The following C12orf54 variants were observed in gnomAD, a reference collection of about 807,000 sequenced individuals.
C12orf54 encodes the protein chromosome 12 open reading frame 54, also known as uncharacterized protein C12orf54.
C12orf54 carries 24 observed loss-of-function variants against 26.4 expected under a neutral mutation model. The ratio of observed to expected loss-of-function variants is 0.91; its 90% confidence interval spans 0.66 to 1.28. C12orf54 has a LOEUF of 1.28. C12orf54 is among the 50% of genes most tolerant of loss of function. C12orf54 has a pLI of 0.00. For missense variants in C12orf54, 154 were observed against 150.9 expected (o/e 1.02, Z -0.11); for synonymous variants, 54 against 47.0 (o/e 1.15, Z -0.61).
At chr12:48,440,196 G>A in the C12orf54 span, among the ~76,000 whole-genome samples, 3 of 151,922 alleles carry the variant, frequency 2.0e-5, no homozygotes, top group African/African-American at 2.4e-5. Context: ...CTGCACTCCA[G>A]CCTGGGTGAC....
At chr12:48,453,923 G>C in the C12orf54 span, among the ~76,000 whole-genome samples, 1 of 151,914 alleles carries the variant, frequency 6.6e-6, no homozygotes, top group Non-Finnish European at 1.5e-5. Context: ...ACTGAAAAAA[G>C]AAGTGCCTTC....
At chr12:48,486,100 T>C in intron 2 of C12orf54, 78 bp from the exon 3 acceptor site, 1 of 1,362,372 alleles carries the variant, frequency 7.3e-7, no homozygotes, top group South Asian at 1.2e-5. Flanking sequence ...CTGCTAGGAG[T>C]GATAGAATAG....
chr12:48,416,002 T>C, the C12orf54 span, among the ~76,000 whole-genome samples: 1 of 152,228 alleles, frequency 6.6e-6, no homozygotes, highest in Non-Finnish European at 1.5e-5. Context: ...AGACTTACCT[T>C]GAGCCCTCTC....
At chr12:48,449,928 A>G in the C12orf54 span, among the ~76,000 whole-genome samples, 11 of 152,042 alleles carry the variant, frequency 7.2e-5, no homozygotes, top group Non-Finnish European at 1.6e-4. Context: ...GTCTCATGAG[A>G]TGTGATGGGT....
the C12orf54 span, among the ~76,000 whole-genome samples, chr12:48,452,761 A>G: frequency 1.3e-5 from 2 of 152,378 alleles, no homozygotes; most frequent in Admixed American, 6.5e-5. Context: ...AAACTTCAAC[A>G]TCACTGATCA....
chr12:48,415,255 C>G, the C12orf54 span, among the ~76,000 whole-genome samples: 1 of 152,190 alleles, frequency 6.6e-6, no homozygotes, highest in Non-Finnish European at 1.5e-5. Flanking sequence ...AAATAGCTCC[C>G]TTGACTTCAC....
chr12:48,468,548 G>C, the C12orf54 span, among the ~76,000 whole-genome samples: 28 of 152,156 alleles, frequency 1.8e-4, no homozygotes, highest in Middle Eastern at 3.4e-3. Flanking sequence ...CAGATGGATC[G>C]AAAGTACAAG....
At chr12:48,416,582 C>T in the C12orf54 span, among the ~76,000 whole-genome samples, 56 of 152,302 alleles carry the variant, frequency 3.7e-4, no homozygotes, top group African/African-American at 1.3e-3. Context: ...TAAGATGTGG[C>T]TGGGCACAGT....
At chr12:48,418,469 G>T in the C12orf54 span, among the ~76,000 whole-genome samples, 24 of 152,268 alleles carry the variant, frequency 1.6e-4, no homozygotes, top group Admixed American at 4.6e-4. Flanking sequence ...CTTTATGTCA[G>T]ACATGTGAGG....
the C12orf54 span, among the ~76,000 whole-genome samples, chr12:48,430,469 T>A: frequency 3.3e-5 from 5 of 151,136 alleles, no homozygotes; most frequent in African/African-American, 4.9e-5. Flanking sequence ...AAACAAACAA[T>A]CCCATCAGAA....
chr12:48,414,670 C>G, the C12orf54 span, among the ~76,000 whole-genome samples: 5 of 152,288 alleles, frequency 3.3e-5, no homozygotes, highest in Middle Eastern at 3.4e-3. Context: ...AGAGAGTAAT[C>G]TGGGCCCTAA....
chr12:48,489,032 T>A lies in C12orf54; in HGVS notation c.168+76T>A, dbSNP rs144943203. The A allele has an allele frequency of 2.0e-4, 279 of 1,388,362 alleles. 2 individuals carry two copies. The East Asian group carries it at 5.9e-3, about 29-fold the overall frequency. 86.0% of individuals were successfully genotyped at this position (1,388,362 alleles called of 1,614,324 possible). A position where few individuals can be genotyped will look rare whatever the true frequency, so the allele number is the denominator to read the frequency against. On this transcript the variant is annotated intron_variant, in intron 5 of 8. Coordinates refer to ENST00000548364, the MANE Select transcript of C12orf54 (RefSeq NM_152319.4). ...GATCCCATTTTTTTTCTTACCCTAC[T>A]GAGATGTTGCCTCTGACCAAGGTTT... is the stretch of plus-strand genomic sequence containing the variant.
chr12:48,492,294 C>G (rs1592204119), intron 6 of C12orf54, among the ~76,000 whole-genome samples: 1 of 152,318 alleles, frequency 6.6e-6, no homozygotes, highest in East Asian at 1.9e-4. Flanking sequence ...CACCTCCACT[C>G]CAGAACTAGG....
At chr12:48,418,986 T>C in the C12orf54 span, among the ~76,000 whole-genome samples, 1 of 151,304 alleles carries the variant, frequency 6.6e-6, no homozygotes, top group East Asian at 1.9e-4. Context: ...ACTGTCCTGA[T>C]AGGTGGACAG....
At chr12:48,423,661 T>A in the C12orf54 span, among the ~76,000 whole-genome samples, 4 of 152,088 alleles carry the variant, frequency 2.6e-5, no homozygotes, top group East Asian at 7.7e-4. Flanking sequence ...ATGTACTTTG[T>A]TTTCTTGCTA....
At chr12:48,423,824 CT>C in the C12orf54 span, among the ~76,000 whole-genome samples, 2 of 151,854 alleles carry the variant, frequency 1.3e-5, no homozygotes, top group African/African-American at 2.4e-5. Context: ...TTCAATCTAT[CT>C]TTTTTTTCTC....
the C12orf54 span, among the ~76,000 whole-genome samples, chr12:48,451,530 T>G: frequency 6.6e-6 from 1 of 152,104 alleles, no homozygotes. Context: ...GATATTCAAA[T>G]AGGAAAGAGG....
Position 48,494,808 on chromosome 12 carries a change from C to T in C12orf54, c.253C>T (p.Pro85Ser). 1 of 1,613,806 alleles carries T rather than the reference C, an allele frequency of 6.2e-7. No homozygotes were observed. Among genetic ancestry groups the T allele is most frequent in the Non-Finnish European group, 8.5e-7 (1 of 1,179,696 alleles). Residue 85 changes from proline to serine, a missense_variant, in exon 8 of 9, where the codon CCT (proline) becomes TCT (serine). Physicochemically the swap from Pro to Ser is moderately conservative, Grantham distance 74. Coordinates refer to ENST00000548364, the MANE Select transcript of C12orf54 (RefSeq NM_152319.4). ...TCTATTTTGGCACAGAAGCATAAGG[C>T]CTCCAGATTCCTTGATGACCCCAAA... ...TSAPRTGSIR[P>S]PDSLMTPKLR...
intron 3 of C12orf54, 194 bp downstream of exon 3, chr12:48,486,402 A>G (rs1040520239): frequency 1.6e-6 from 1 of 634,842 alleles, no homozygotes; most frequent in Non-Finnish European, 2.8e-6. Flanking sequence ...ACTTCACCAG[A>G]TGACTAAAGG....
Sources: gnomAD v4.1 joint callset for allele counts (sites outside exome capture counted in the v4.1 genomes callset) on GRCh38, gnomAD v4.1.1 for gene constraint, MANE v1.5 for transcripts, NCBI Gene and HGNC (gene_info 2026-07-23, HGNC 2026-07-21) for gene names.